The following ZNF497 variants were observed in gnomAD, a reference collection of about 807,000 sequenced individuals.
ZNF497 encodes zinc finger protein 497.
For synonymous variants in ZNF497, 422 were observed against 313.7 expected (o/e 1.35, Z -3.65); for missense variants, 930 against 714.0 (o/e 1.30, Z -3.45).
intron 1 of ZNF497, chr19:58,359,043 G>C (rs1253554523): frequency 1.8e-6 from 1 of 552,528 alleles, no homozygotes; most frequent in Non-Finnish European, 3.2e-6. Flanking sequence ...AGCACCAAGA[G>C]CTCCAGCATC....
chr19:58,360,251 CA>C (rs1204779676), intron 1 of ZNF497, among the ~76,000 whole-genome samples: 4 of 151,986 alleles, frequency 2.6e-5, no homozygotes, highest in African/African-American at 9.7e-5. Flanking sequence ...CTGAATATAC[CA>C]AAAACCACTG....
rs12609654 is a variant in ZNF497, at chr19:58,357,114, G to T, written c.522C>A (p.His174Gln). The T allele has an allele frequency of 0.43, 693,679 of 1,611,366 alleles. 152,754 individuals are homozygous for T. The highest frequency in any genetic ancestry group is 0.54 in the Middle Eastern group (3,258 of 6,056). ...CRECGKAFRA[H>Q]SQLIHHQETH... ...TCTCCTGGTGGTGGATGAGCTGCGA[G>T]TGCGCGCGGAAGGCCTTGCCGCACT... The change falls in exon 3 of 3, where the codon CAC (histidine) becomes CAA (glutamine). Residue 174 changes from histidine to glutamine, a missense_variant. By Grantham distance (24) the His-to-Gln change is conservative (BLOSUM62 0). Coordinates refer to ENST00000311044, the MANE Select transcript of ZNF497 (RefSeq NM_198458.3).
Position 58,356,695 on chromosome 19 carries a change from C to A in ZNF497, c.941G>T (p.Ser314Ile). The change falls in exon 3 of 3, where the codon AGC (serine) becomes ATC (isoleucine). Residue 314 changes from serine (S) to isoleucine (I), a missense_variant. Coordinates refer to ENST00000311044, the MANE Select transcript of ZNF497 (RefSeq NM_198458.3). ...CAECGKAFRESSQLLQHQRTH... is the reference protein window; with the variant it reads ...CAECGKAFREISQLLQHQRTH... ...GCGCTGGTGCTGCAGGAGCTGCGAG[C>A]TCTCGCGGAAAGCCTTTCCGCACTC... is the stretch of plus-strand genomic sequence containing the variant. The A allele has an allele frequency of 6.4e-7, 1 of 1,562,284 alleles. No homozygotes were observed. Among genetic ancestry groups the A allele is most frequent in the East Asian group, 2.4e-5 (1 of 42,442 alleles).
Position 58,355,841 on chromosome 19 carries a change from A to T in ZNF497, c.*298T>A. On this transcript the variant is annotated 3_prime_UTR_variant, in exon 3 of 3. Coordinates refer to ENST00000311044, the MANE Select transcript of ZNF497 (RefSeq NM_198458.3). ...TCAAAGAAATAGCCACACCTGTCGG[A>T]GACCCCAGTTCTTGCCCACCTCTGC... The T allele has an allele frequency of 2.8e-6, 1 of 361,982 alleles. No individual in the cohort carries two copies. Among genetic ancestry groups the T allele is most frequent in the East Asian group, 4.8e-5 (1 of 20,896 alleles). The allele number at this position is 361,982 out of a possible 1,614,324, so 22.4% of individuals were successfully genotyped here.
Position 58,356,141 on chromosome 19 carries a change from AG to A in ZNF497, c.1494del (p.Ter499AspfsTer6). The A allele has an allele frequency of 6.5e-7, 1 of 1,550,186 alleles. No homozygotes were observed. The highest frequency in any genetic ancestry group is 8.7e-7 in the Non-Finnish European group (1 of 1,148,900). ...HQKRHGGRAA[P>X] ...CTCCCGCTCAGGGCGTCCTCGGGTCAGGGCGCAGCGCGGCCCCCGTGCCGCT... is the reference window on the plus strand; with the variant it reads ...CTCCCGCTCAGGGCGTCCTCGGGTCAGGCGCAGCGCGGCCCCCGTGCCGCT... On this transcript the variant is annotated frameshift_variant, in exon 3 of 3. Transcript: ENST00000311044.
intron 1 of ZNF497, among the ~76,000 whole-genome samples, chr19:58,361,488 C>T (rs1439938391): frequency 6.6e-6 from 1 of 152,136 alleles, no homozygotes; most frequent in Non-Finnish European, 1.5e-5. Context: ...TCCCGAGTAG[C>T]TGGGATTACA....
At chr19:58,359,953 C>A (rs2052073192) in intron 1 of ZNF497, among the ~76,000 whole-genome samples, 2 of 135,618 alleles carry the variant, frequency 1.5e-5, no homozygotes, top group African/African-American at 2.7e-5. Flanking sequence ...GCCTGGGTGA[C>A]AAAGTGAGAC....
In ZNF497 at chr19:58,356,224, G is replaced by A. The variant is rs1293090318; in HGVS notation, c.1412C>T (p.Ala471Val). 1.2e-6 allele frequency: 2 copies of A among 1,606,654 alleles called. No homozygotes were observed. Among genetic ancestry groups the A allele is most frequent in the Non-Finnish European group, 1.7e-6 (2 of 1,176,624 alleles). ...GAAAGGCTTCCCGCACTCGCCGCAA[G>A]CGTAGGGCCTCTCGCCCGTGTGCGT... ...RRTHTGERPYACGECGKPFSH... is the reference protein window; with the variant it reads ...RRTHTGERPYVCGECGKPFSH... The change falls in exon 3 of 3, where the codon GCT becomes GTT. Residue 471 changes from alanine (A) to valine (V), a missense_variant. By Grantham distance (64) the Ala-to-Val change is moderately conservative (BLOSUM62 0). Transcript: ENST00000311044.
At chr19:58,358,646 A>C in intron 1 of ZNF497, 61 bp from the exon 2 acceptor site, 1 of 910,932 alleles carries the variant, frequency 1.1e-6, no homozygotes, top group Non-Finnish European at 1.5e-6. Flanking sequence ...CTGAGAAAAC[A>C]AGGGGCATGC....
Position 58,357,595 on chromosome 19 carries a change from T to C in ZNF497, c.41A>G (p.Glu14Gly), listed in dbSNP as rs1179352884. The C allele has an allele frequency of 1.3e-6, 2 of 1,563,134 alleles. No individual in the cohort carries two copies. Among genetic ancestry groups the C allele is most frequent in the Non-Finnish European group, 1.7e-6 (2 of 1,157,814 alleles). ...CACATTGCAGAGGACCTGGCCTTCC[T>C]CTGGGGCCACCTGCAGGGTCCACCC... ...PRGWTLQVAP[E>G]EGQVLCNVKT... Residue 14 changes from glutamate (E) to glycine (G), a missense_variant, in exon 3 of 3, where the codon GAG becomes GGG. Physicochemically the swap from Glu to Gly is moderately conservative, Grantham distance 98 (BLOSUM62 -2). Transcript: ENST00000311044.
At chr19:58,360,834 T>C (rs2052085401) in intron 1 of ZNF497, among the ~76,000 whole-genome samples, 1 of 120,732 alleles carries the variant, frequency 8.3e-6, no homozygotes, top group Non-Finnish European at 1.6e-5. Context: ...CAGGCTGGAG[T>C]CCAGTGGCGC....
rs368696544 is a variant in ZNF497 at position 58,357,128 on chromosome 19, C to A, written c.508G>T (p.Ala170Ser). Residue 170 changes from alanine to serine, a missense_variant, in exon 3 of 3, where the codon GCC (alanine) becomes TCC (serine). Coordinates refer to ENST00000311044, the MANE Select transcript of ZNF497 (RefSeq NM_198458.3). Reference protein sequence around the residue: ...KPYACRECGKAFRAHSQLIHH... With the variant: ...KPYACRECGKSFRAHSQLIHH... ...ATGAGCTGCGAGTGCGCGCGGAAGG[C>A]CTTGCCGCACTCCCTGCAAGCGTAG... is the stretch of plus-strand genomic sequence containing the variant. 1.2e-5 allele frequency: 19 copies of A among 1,599,894 alleles called. No individual in the cohort carries two copies. The African/African-American group carries it at 2.4e-4, about 20-fold the overall frequency.
At chr19:58,359,568 C>A in intron 1 of ZNF497, 1 of 419,818 alleles carries the variant, frequency 2.4e-6, no homozygotes, top group South Asian at 1.7e-5. Flanking sequence ...GCCCTGTCTC[C>A]TTGGCACCCT....
In ZNF497 at chr19:58,357,667, A is replaced by G. The variant is rs566013345; in HGVS notation, c.-14-18T>C. On this transcript the variant is annotated intron_variant, in intron 2 of 2. Coordinates refer to ENST00000311044, the MANE Select transcript of ZNF497 (RefSeq NM_198458.3). ...CCTGTGACCTAAAACAGGAGAGAAA[A>G]GGCAAGTACCTTAGAGAATACAAAG... 581 of 1,511,356 alleles carry G rather than the reference A, an allele frequency of 3.8e-4. 8 individuals are homozygous for G. In the South Asian group the frequency reaches 6.8e-3, roughly 18 times the overall value. 93.6% of individuals were successfully genotyped at this position (1,511,356 alleles called of 1,614,324 possible).
chr19:58,355,895 C>T lies in ZNF497; in HGVS notation c.*244G>A, dbSNP rs2148004696. The T allele has an allele frequency of 2.1e-6, 1 of 481,268 alleles. No individual in the cohort carries two copies. Among genetic ancestry groups the T allele is most frequent in the South Asian group, 4.0e-5 (1 of 25,038 alleles). The allele number at this position is 481,268 out of a possible 1,614,324, so 29.8% of individuals were successfully genotyped here. Reference sequence around the variant, plus strand: ...GACGAACCTCTCGCCGAAGTGGAGCCTGCCGCCCTCCCTGGGGTAAGAGCC... The same window carrying T: ...GACGAACCTCTCGCCGAAGTGGAGCTTGCCGCCCTCCCTGGGGTAAGAGCC... On this transcript the variant is annotated 3_prime_UTR_variant, in exon 3 of 3. Transcript: ENST00000311044.
Position 58,356,513 on chromosome 19 carries a change from T to G in ZNF497, c.1123A>C (p.Ser375Arg). ...GCGCCCGAGTGCGTGCGCCGGTGGC[T>G]CAGTAGGTTGGAGCGCTGGCTGAAG... ...KAFSQRSNLLSHRRTHSGAKP... is the reference protein window; with the variant it reads ...KAFSQRSNLLRHRRTHSGAKP... Residue 375 changes from serine to arginine, a missense_variant, in exon 3 of 3, where the codon AGC becomes CGC. Physicochemically the swap from Ser to Arg is moderately radical, Grantham distance 110. Transcript: ENST00000311044. 6.5e-7 allele frequency: 1 copy of G among 1,536,580 alleles called. No individual in the cohort carries two copies. The highest frequency in any genetic ancestry group is 8.7e-7 in the Non-Finnish European group (1 of 1,148,396).
chr19:58,359,728 C>G, intron 1 of ZNF497: 1 of 257,524 alleles, frequency 3.9e-6, no homozygotes, highest in Non-Finnish European at 7.9e-6. Flanking sequence ...AGTCCTAGCA[C>G]TTTGGGAGGC....
Position 58,356,271 on chromosome 19 carries a change from C to T in ZNF497, c.1365G>A (p.Ser455=), listed in dbSNP as rs1488397520. The stretch of plus-strand genomic sequence containing the variant: ...GCGTGCGCCGGTGGCTTAAGAGCTC[C>T]GACTTGCGCACGAAGGCCTTGCTGC... ...AHCSKAFVRK[S]ELLSHRRTHT... is the part of the protein sequence containing the mutation. The change falls in exon 3 of 3, where the codon TCG becomes TCA. Residue 455 remains serine, a synonymous_variant. Coordinates refer to ENST00000311044, the MANE Select transcript of ZNF497 (RefSeq NM_198458.3). 6.3e-7 allele frequency: 1 copy of T among 1,581,244 alleles called. No homozygotes were observed. The highest frequency in any genetic ancestry group is 8.6e-7 in the Non-Finnish European group (1 of 1,165,844).
chr19:58,359,348 G>GA (rs1217497194), intron 1 of ZNF497: 1 of 1,089,546 alleles, frequency 9.2e-7, no homozygotes, highest in African/African-American at 1.6e-5. Context: ...GTGAGCCTGT[G>GA]AGCACAGCAA....
Sources: gnomAD v4.1 joint callset for allele counts (sites outside exome capture counted in the v4.1 genomes callset) on GRCh38, gnomAD v4.1.1 for gene constraint, MANE v1.5 for transcripts, NCBI Gene and HGNC (gene_info 2026-07-23, HGNC 2026-07-21) for gene names.